NUDT7: variants seen among roughly 807,000 people sequenced by gnomAD.
NUDT7 encodes the protein peroxisomal coenzyme A diphosphatase NUDT7.
In NUDT7, 19 loss-of-function variants were observed where a neutral mutation model predicts 13.1. The observed-to-expected ratio is 1.45, with a 90% CI of 1.01 to 2.13. NUDT7 has a LOEUF of 2.13. Ranked by LOEUF, NUDT7 falls within the 30% of genes most tolerant of loss-of-function variation. The pLI is 0.00. For synonymous variants in NUDT7, 132 were observed against 109.7 expected, an observed-to-expected ratio of 1.20 and a Z score of -1.27; for missense variants, 360 against 291.7, an observed-to-expected ratio of 1.23 and a Z score of -1.71.
intron 2 of NUDT7, among the ~76,000 whole-genome samples, chr16:77,727,200 G>A (rs1077192): frequency 0.058 from 8,850 of 152,184 alleles, 898 homozygotes; most frequent in African/African-American, 0.2. Flanking sequence ...CCCCACACCC[G>A]TGAGCACAGT....
intron 1 of NUDT7, among the ~76,000 whole-genome samples, chr16:77,725,186 C>G (rs961879016): frequency 2.6e-5 from 4 of 152,164 alleles, no homozygotes; most frequent in Admixed American, 2.6e-4. Flanking sequence ...TTTTACCATA[C>G]TTTATGTTTC....
Position 77,722,568 on chromosome 16 carries a change from A to G in NUDT7, c.-15A>G. On this transcript the variant is annotated 5_prime_UTR_variant, in exon 1 of 4. Transcript: ENST00000268533. Reference sequence around the variant, plus strand: ...CTCCGAGGAGTCCGCCCGGAAACAAACATTCCCCAGGGCAATGTCACGACT... The same window carrying G: ...CTCCGAGGAGTCCGCCCGGAAACAAGCATTCCCCAGGGCAATGTCACGACT... 1.3e-6 allele frequency: 2 copies of G among 1,584,406 alleles called. No individual in the cohort carries two copies. The highest frequency in any genetic ancestry group is 1.7e-6 in the Non-Finnish European group (2 of 1,164,562).
chr16:77,722,655 C>T (rs982329874), intron 1 of NUDT7, 38 bp downstream of exon 1: 3 of 1,567,320 alleles, frequency 1.9e-6, no homozygotes, highest in Non-Finnish European at 2.6e-6. Context: ...CGAGCTTGGT[C>T]AGGCCCGGCC....
chr16:77,741,986 G>A lies in NUDT7; in HGVS notation c.*36G>A, dbSNP rs1390426479. ...CAAGAGACAAAGAACTATTCACGAG[G>A]ATTCTGTGTGTGCTTATTCGTAGAA... On this transcript the variant is annotated 3_prime_UTR_variant, in exon 4 of 4. Transcript: ENST00000268533. The A allele has an allele frequency of 2.0e-6, 3 of 1,529,952 alleles. No individual in the cohort carries two copies. Among genetic ancestry groups the A allele is most frequent in the African/African-American group, 1.4e-5 (1 of 72,384 alleles). The allele number at this position is 1,529,952 out of a possible 1,614,324, so 94.8% of individuals were successfully genotyped here.
intron 2 of NUDT7, among the ~76,000 whole-genome samples, chr16:77,730,836 A>G (rs1157879276): frequency 2.0e-5 from 3 of 151,666 alleles, no homozygotes; most frequent in African/African-American, 7.3e-5. Context: ...CTGTGGTTTT[A>G]ATTTGAATTT....
chr16:77,725,374 A>C (rs2014097202), intron 1 of NUDT7, 57 bp from the exon 2 acceptor site: 2 of 1,513,272 alleles, frequency 1.3e-6, no homozygotes, highest in Admixed American at 1.9e-5. Flanking sequence ...CAGGACTATA[A>C]GCTTTTTACC....
chr16:77,728,229 C>A (rs750872340), intron 2 of NUDT7, among the ~76,000 whole-genome samples: 41 of 152,020 alleles, frequency 2.7e-4, no homozygotes, highest in Non-Finnish European at 4.7e-4. Context: ...TCTGGAACCT[C>A]GAACAAGTTT....
At chr16:77,735,223 G>T (rs1223891688) in intron 2 of NUDT7, among the ~76,000 whole-genome samples, 1 of 152,086 alleles carries the variant, frequency 6.6e-6, no homozygotes, top group African/African-American at 2.4e-5. Flanking sequence ...CAAATCTCAT[G>T]TTCAGTCGTA....
intron 2 of NUDT7, among the ~76,000 whole-genome samples, chr16:77,730,849 C>T (rs1035513625): frequency 1.3e-5 from 2 of 151,844 alleles, no homozygotes; most frequent in African/African-American, 4.8e-5. Context: ...TTGAATTTTC[C>T]TGGTGATTAG....
intron 3 of NUDT7, among the ~76,000 whole-genome samples, chr16:77,740,683 G>A (rs1231098954): frequency 1.3e-5 from 2 of 152,100 alleles, no homozygotes. Context: ...GAGTAGCTGG[G>A]ATTACAGGCA....
intron 2 of NUDT7, among the ~76,000 whole-genome samples, chr16:77,733,325 G>C (rs143507361): frequency 1.2e-3 from 181 of 152,268 alleles, no homozygotes; most frequent in Middle Eastern, 0.01. Context: ...GTCTGGTGAG[G>C]GCCCTGTTTC....
chr16:77,722,753 GCA>G, intron 1 of NUDT7, 136 bp downstream of exon 1: 3 of 785,838 alleles, frequency 3.8e-6, no homozygotes, highest in Non-Finnish European at 6.4e-6. Flanking sequence ...GGATGGGGGA[GCA>G]CTCGCCTCCA....
At chr16:77,735,320 AGT>A (rs1250831465) in intron 2 of NUDT7, 1 of 440,138 alleles carries the variant, frequency 2.3e-6, no homozygotes, top group African/African-American at 2.0e-5. Flanking sequence ...CACAATAGTG[AGT>A]GAGTTCTCAC....
At chr16:77,727,874 T>TAA (rs10699413) in intron 2 of NUDT7, among the ~76,000 whole-genome samples, 51,873 of 151,062 alleles carry the variant, frequency 0.34, 10,300 homozygotes, top group African/African-American at 0.57. Flanking sequence ...AATAAATAAA[T>TAA]AAAAATAAAT....
At chr16:77,729,711 G>C (rs1437792206) in intron 2 of NUDT7, among the ~76,000 whole-genome samples, 2 of 152,078 alleles carry the variant, frequency 1.3e-5, no homozygotes, top group East Asian at 3.9e-4. Context: ...TGTAGTTCCA[G>C]CTACTCGCGA....
At chr16:77,722,736 G>A in intron 1 of NUDT7, 119 bp downstream of exon 1, 1 of 945,006 alleles carries the variant, frequency 1.1e-6, no homozygotes, top group Non-Finnish European at 1.6e-6. Context: ...GTCCACCTGC[G>A]AGCGCCGGAT....
At chr16:77,737,804 G>A (rs1377473625) in intron 3 of NUDT7, among the ~76,000 whole-genome samples, 1 of 151,978 alleles carries the variant, frequency 6.6e-6, no homozygotes, top group African/African-American at 2.4e-5. Flanking sequence ...TATATATTGG[G>A]CTTTCGGGTA....
At chr16:77,727,493 A>G (rs889295401) in intron 2 of NUDT7, among the ~76,000 whole-genome samples, 17 of 152,256 alleles carry the variant, frequency 1.1e-4, no homozygotes, top group Non-Finnish European at 2.1e-4. Context: ...AATGGAAACC[A>G]GGGGACCAGT....
chr16:77,739,863 C>T (rs2014604358), intron 3 of NUDT7, among the ~76,000 whole-genome samples: 2 of 152,122 alleles, frequency 1.3e-5, no homozygotes, highest in Admixed American at 1.3e-4. Context: ...GGCTGGGGAG[C>T]ATGAAATCCC....
Sources: allele counts gnomAD v4.1 joint callset (sites outside exome capture counted in the v4.1 genomes callset), GRCh38; gene constraint gnomAD v4.1.1; transcripts MANE v1.5; gene names NCBI Gene and HGNC (gene_info 2026-07-23, HGNC 2026-07-21).